NRBP1: variants seen among roughly 807,000 people sequenced by gnomAD.
NRBP1 encodes the protein nuclear receptor-binding protein.
Under a neutral mutation model 76.0 loss-of-function variants are expected in NRBP1, and 10 were observed. That is an observed-to-expected ratio of 0.13 (90% CI 0.08 to 0.22). The LOEUF (loss-of-function observed/expected upper bound fraction) is 0.22, where lower values mean the gene tolerates loss of function less well. NRBP1 is among the 10% of genes least tolerant of loss of function. NRBP1 has a pLI of 1.00. For synonymous variants in NRBP1, 235 were observed against 240.2 expected (o/e 0.98, Z 0.20); for missense variants, 344 against 646.0 (o/e 0.53, Z 5.07).
intron 1 of NRBP1, among the ~76,000 whole-genome samples, chr2:27,429,996 G>C (rs900062507): frequency 6.6e-6 from 1 of 152,166 alleles, no homozygotes; most frequent in Admixed American, 6.6e-5. Flanking sequence ...CATTTTCTTA[G>C]CTACTTTTCA....
At chr2:27,435,847 C>G in intron 7 of NRBP1, 1 of 713,690 alleles carries the variant, frequency 1.4e-6, no homozygotes, top group Non-Finnish European at 2.6e-6. Flanking sequence ...CCCTCTTCCC[C>G]TATCTTCCCT....
chr2:27,432,612 C>T (rs1410812147), intron 1 of NRBP1, among the ~76,000 whole-genome samples: 1 of 151,890 alleles, frequency 6.6e-6, no homozygotes, highest in African/African-American at 2.4e-5. Flanking sequence ...GAGACAGGGT[C>T]TCCCTCTGTT....
chr2:27,441,173 A>G lies in NRBP1; in HGVS notation c.1376A>G (p.Lys459Arg). The part of the protein sequence containing the change: ...CNIESVEEGV[K>R]HHLTLLLKLE... ...ATTGAGTCGGTGGAGGAGGGAGTCAAACACCACGTAAGGCTCAGGGCTAGG... is the reference window on the plus strand; with the variant it reads ...ATTGAGTCGGTGGAGGAGGGAGTCAGACACCACGTAAGGCTCAGGGCTAGG... The change falls in exon 15 of 18, where the codon AAA (lysine) becomes AGA (arginine). Residue 459 changes from lysine (K) to arginine (R), a missense_variant. Physicochemically the swap from Lys to Arg is conservative, Grantham distance 26. Transcript: ENST00000379852. 1.2e-6 allele frequency: 2 copies of G among 1,614,052 alleles called. 1 individual carries two copies. The highest frequency in any genetic ancestry group is 2.7e-5 in the African/African-American group (2 of 75,016).
chr2:27,427,835 C>T (rs1428152238), upstream of NRBP1: 1 of 152,140 alleles, frequency 6.6e-6, no homozygotes, highest in Non-Finnish European at 1.5e-5. Flanking sequence ...CTGAAGGCTC[C>T]GCGCTTAGTT....
chr2:27,436,032 CTTGTAGTCA>C (rs1664293465), intron 7 of NRBP1: 1 of 552,358 alleles, frequency 1.8e-6, no homozygotes, highest in Admixed American at 3.1e-5. Flanking sequence ...TTCTCTGTGA[CTTGTAGTCA>C]TTGTTTATGA....
chr2:27,431,663 A>G (rs1246625346), intron 1 of NRBP1: 2 of 152,248 alleles, frequency 1.3e-5, no homozygotes, highest in Admixed American at 6.5e-5. Flanking sequence ...ACCATGGACT[A>G]GTGGGCTTGT....
intron 1 of NRBP1, among the ~76,000 whole-genome samples, chr2:27,429,755 G>T (rs1488869763): frequency 1.3e-5 from 2 of 152,142 alleles, no homozygotes; most frequent in East Asian, 3.8e-4. Flanking sequence ...AATTCCAAGG[G>T]CATCTATCTC....
intron 1 of NRBP1, among the ~76,000 whole-genome samples, chr2:27,430,726 C>T (rs1463964319): frequency 1.3e-5 from 2 of 152,148 alleles, no homozygotes; most frequent in Non-Finnish European, 2.9e-5. Flanking sequence ...TCCCAAAGTG[C>T]TGGGATTACA....
intron 9 of NRBP1, 66 bp from the exon 10 acceptor site, chr2:27,437,196 G>A: frequency 6.4e-7 from 1 of 1,572,966 alleles, no homozygotes; most frequent in South Asian, 1.1e-5. Context: ...TGGCTTGGAG[G>A]GAGTGATTGT....
chr2:27,436,487 C>T, intron 7 of NRBP1: 1 of 445,096 alleles, frequency 2.2e-6, no homozygotes, highest in Non-Finnish European at 4.1e-6. Flanking sequence ...GCCTGAAGCC[C>T]CTGTGTATCT....
At chr2:27,428,441 G>A (rs573265016), upstream of NRBP1, 4 of 386,744 alleles carry the variant, frequency 1.0e-5, no homozygotes, top group Admixed American at 1.8e-4. Context: ...AGCTGGGACC[G>A]AAAACATCGA....
chr2:27,428,833 C>T (rs1558331352), intron 1 of NRBP1, 102 bp downstream of exon 1: 2 of 397,756 alleles, frequency 5.0e-6, no homozygotes, highest in East Asian at 3.6e-5. Flanking sequence ...CAGTCGGGTG[C>T]TGAAGGCGGC....
intron 1 of NRBP1, among the ~76,000 whole-genome samples, chr2:27,429,917 T>G (rs1324481056): frequency 6.6e-6 from 1 of 152,204 alleles, no homozygotes; most frequent in African/African-American, 2.4e-5. Context: ...GGAATTTTAT[T>G]TAGTTGTTCA....
intron 7 of NRBP1, chr2:27,435,618 G>T (rs904358695): frequency 1.4e-6 from 1 of 715,364 alleles, no homozygotes; most frequent in Admixed American, 2.0e-5. Flanking sequence ...TGCTGTGTCT[G>T]TGTGGTATTT....
intron 16 of NRBP1, 118 bp downstream of exon 16, chr2:27,441,448 T>C: frequency 7.0e-7 from 1 of 1,431,170 alleles, no homozygotes; most frequent in Non-Finnish European, 9.9e-7. Context: ...AGAATGACTA[T>C]CTTAGACCCT....
chr2:27,441,350 C>T lies in NRBP1; in HGVS notation c.1447+20C>T. ...TGCCAAGTGAGTCTCTCCTTTCCCTCAGAGGATGGAGAGTCTATGAGCCTT... is the reference window on the plus strand; with the variant it reads ...TGCCAAGTGAGTCTCTCCTTTCCCTTAGAGGATGGAGAGTCTATGAGCCTT... On this transcript the variant is annotated intron_variant, in intron 16 of 17. Transcript: ENST00000379852. The T allele has an allele frequency of 6.2e-7, 1 of 1,608,648 alleles. No homozygotes were observed. The highest frequency in any genetic ancestry group is 8.5e-7 in the Non-Finnish European group (1 of 1,175,106).
rs1664185919 is a variant in NRBP1 at position 27,433,467 on chromosome 2, A to T, written c.194A>T (p.Gln65Leu). ...ILEESPCGRW[Q>L]KRREEVNQRN... ...GAAGAGTCGCCCTGTGGGCGCTGGC[A>T]GAAGAGGCGAGAAGAGGTAAGGTTA... The change falls in exon 2 of 18, where the codon CAG becomes CTG. Residue 65 changes from glutamine (Q) to leucine (L), a missense_variant. This residue lies in a region of NRBP1 where 73 missense variants were observed against 287.8 expected (regional missense o/e 0.25). Transcript: ENST00000379852. The T allele has an allele frequency of 6.2e-7, 1 of 1,614,032 alleles. No homozygotes were observed. The highest frequency in any genetic ancestry group is 1.3e-5 in the African/African-American group (1 of 74,956).
intron 1 of NRBP1, chr2:27,429,122 G>GC (rs1553316852): frequency 6.5e-6 from 1 of 154,884 alleles, no homozygotes; most frequent in Non-Finnish European, 1.4e-5. Context: ...GCGGGGAGGT[G>GC]CGCAGACTGC....
chr2:27,436,933 T>C, intron 8 of NRBP1, 97 bp downstream of exon 8: 1 of 1,449,380 alleles, frequency 6.9e-7, no homozygotes, highest in South Asian at 1.2e-5. Context: ...CTTCTAGGCC[T>C]TCTCTACCAG....
Sources: allele counts gnomAD v4.1 joint callset (sites outside exome capture counted in the v4.1 genomes callset), GRCh38; gene constraint gnomAD v4.1.1; regional missense constraint gnomAD v4.1.1; transcripts MANE v1.5; gene names NCBI Gene and HGNC (gene_info 2026-07-23, HGNC 2026-07-21).